KMT2C: variants seen among roughly 807,000 people sequenced by gnomAD.
KMT2C encodes histone-lysine N-methyltransferase 2C.
KMT2C carries 88 observed loss-of-function variants against 507.9 expected under a neutral mutation model. That is an observed-to-expected ratio of 0.17 (90% CI 0.15 to 0.21). KMT2C has a LOEUF of 0.21. Ranked by LOEUF, KMT2C falls within the 10% of genes least tolerant of loss-of-function variation. The pLI is 1.00. For missense variants in KMT2C, 4,954 were observed against 5,957.8 expected (o/e 0.83, Z 5.55); for synonymous variants, 2,049 against 2,080.8 (o/e 0.98, Z 0.42).
At chr7:152,182,832 A>ATT in intron 35 of KMT2C, 142 bp downstream of exon 35, 1 of 666,710 alleles carries the variant, frequency 1.5e-6, no homozygotes, top group Non-Finnish European at 2.4e-6. Flanking sequence ...ATTTAAATAT[A>ATT]TTTTACTGAA....
intron 1 of KMT2C, among the ~76,000 whole-genome samples, chr7:152,429,086 C>T (rs2097846091): frequency 6.6e-6 from 1 of 152,132 alleles, no homozygotes; most frequent in South Asian, 2.1e-4. Flanking sequence ...TCTTGTCATT[C>T]TACTTGGCTA....
chr7:152,356,961 C>T (rs1413761818), intron 2 of KMT2C, among the ~76,000 whole-genome samples: 3 of 151,000 alleles, frequency 2.0e-5, no homozygotes, highest in Admixed American at 6.6e-5. Flanking sequence ...GAGCCAGACA[C>T]GGTGGCTCAC....
At chr7:152,259,464 A>G (rs979971375) in intron 9 of KMT2C, among the ~76,000 whole-genome samples, 35 of 147,456 alleles carry the variant, frequency 2.4e-4, no homozygotes, top group East Asian at 2.1e-3. Context: ...ACACACACAC[A>G]CACACACACA....
chr7:152,155,870 G>T, intron 46 of KMT2C, 40 bp downstream of exon 46: 1 of 1,548,744 alleles, frequency 6.5e-7, no homozygotes, highest in East Asian at 2.3e-5. Flanking sequence ...TTTAAAAGAA[G>T]AAATAACTAA....
Position 152,222,528 on chromosome 7 carries a change from G to A in KMT2C, c.3433+45C>T. Reference sequence around the variant, plus strand: ...TGGTTATGGACAGTAAGGTGCAAGTGAGTGGTACAAGAGTGCAGACTCACA... The same window carrying A: ...TGGTTATGGACAGTAAGGTGCAAGTAAGTGGTACAAGAGTGCAGACTCACA... On this transcript the variant is annotated intron_variant, in intron 21 of 58. Coordinates refer to ENST00000262189, the MANE Select transcript of KMT2C (RefSeq NM_170606.3). 10 of 974,968 alleles carry A rather than the reference G, an allele frequency of 1.0e-5. No homozygotes were observed. The South Asian group carries it at 1.1e-4, about 11-fold the overall frequency. 60.4% of individuals were successfully genotyped at this position (974,968 alleles called of 1,614,324 possible).
chr7:152,165,748 G>T (rs1004638859), intron 42 of KMT2C, among the ~76,000 whole-genome samples: 3 of 152,128 alleles, frequency 2.0e-5, no homozygotes, highest in African/African-American at 7.2e-5. Flanking sequence ...GAGTGCAATG[G>T]TGCAATCTCA....
chr7:152,283,511 G>T (rs1454821464), intron 6 of KMT2C, among the ~76,000 whole-genome samples: 1 of 151,952 alleles, frequency 6.6e-6, no homozygotes, highest in Non-Finnish European at 1.5e-5. Flanking sequence ...ACTAACAGAA[G>T]AATACTCAGC....
intron 44 of KMT2C, 46 bp downstream of exon 44, chr7:152,158,817 T>C (rs2092269255): frequency 4.4e-6 from 7 of 1,579,034 alleles, no homozygotes; most frequent in African/African-American, 1.3e-5. Flanking sequence ...CCCCAGCCTA[T>C]ATCCTTGACT....
chr7:152,168,303 A>C (rs540115333), intron 41 of KMT2C, among the ~76,000 whole-genome samples: 25 of 152,352 alleles, frequency 1.6e-4, no homozygotes, highest in South Asian at 1.4e-3. Flanking sequence ...GAATCCAACC[A>C]AAGCCAATGG....
intron 6 of KMT2C, among the ~76,000 whole-genome samples, chr7:152,287,328 C>A (rs1407929252): frequency 6.6e-6 from 1 of 152,180 alleles, no homozygotes; most frequent in African/African-American, 2.4e-5. Flanking sequence ...ACCTTTTGAG[C>A]CAGGGTGGTA....
chr7:152,177,400 G>T lies in KMT2C; in HGVS notation c.8053C>A (p.Leu2685Ile), dbSNP rs975901741. ...LQITTQPSDG[L>I]EEKLDSDDPS... ...TCATCAGAATCAAGTTTTTCCTCTA[G>T]ACCATCAGAAGGCTGGGTGGTTATC... Residue 2685 changes from leucine (L) to isoleucine (I), a missense_variant, in exon 38 of 59, where the codon CTA (leucine) becomes ATA (isoleucine). Leu to Ile is a conservative substitution (Grantham distance 5, BLOSUM62 2). Coordinates refer to ENST00000262189, the MANE Select transcript of KMT2C (RefSeq NM_170606.3). 2 of 1,614,156 alleles carry T rather than the reference G, an allele frequency of 1.2e-6. No individual in the cohort carries two copies. Among genetic ancestry groups the T allele is most frequent in the South Asian group, 2.2e-5 (2 of 91,086 alleles).
intron 1 of KMT2C, among the ~76,000 whole-genome samples, chr7:152,396,814 T>C (rs1237706561): frequency 6.6e-6 from 1 of 152,202 alleles, no homozygotes; most frequent in Non-Finnish European, 1.5e-5. Context: ...AACACCTCAC[T>C]TTTGGAGGGC....
At chr7:152,312,533 C>A (rs527810038) in intron 4 of KMT2C, among the ~76,000 whole-genome samples, 1 of 152,216 alleles carries the variant, frequency 6.6e-6, no homozygotes, top group South Asian at 2.1e-4. Context: ...TGTGGCATGA[C>A]GTTGCAAGTA....
intron 43 of KMT2C, among the ~76,000 whole-genome samples, chr7:152,160,801 T>C (rs1013839488): frequency 1.3e-5 from 2 of 151,922 alleles, no homozygotes; most frequent in South Asian, 2.1e-4. Flanking sequence ...AATTTTAATA[T>C]AAACATGCTC....
intron 2 of KMT2C, among the ~76,000 whole-genome samples, chr7:152,335,409 TAAG>T (rs2096924793): frequency 6.6e-6 from 1 of 152,134 alleles, no homozygotes; most frequent in South Asian, 2.1e-4. Context: ...GTGACAAACT[TAAG>T]GAGGAATAAG....
intron 1 of KMT2C, among the ~76,000 whole-genome samples, chr7:152,413,885 C>CAAAAAAAAAAA (rs56006056): frequency 2.3e-4 from 25 of 108,114 alleles, no homozygotes; most frequent in African/African-American, 8.2e-4. Flanking sequence ...AACTCCGTCT[C>CAAAAAAAAAAA]AAAAAAAAAA....
chr7:152,151,558 TAGAATCCTTATATCC>T lies in KMT2C; in HGVS notation c.12535_12549del (p.Gly4179_Ser4183del). The T allele has an allele frequency of 7.4e-6, 12 of 1,614,062 alleles. No individual in the cohort carries two copies. The highest frequency in any genetic ancestry group is 1.0e-5 in the Non-Finnish European group (12 of 1,179,934). ...GCTGCGCTTTCTGCAATACCATGAC[TAGAATCCTTATATCC>T]AGAAAGACCTAAAGGCAATCAACTT... On this transcript the variant is annotated inframe_deletion, in exon 50 of 59. Transcript: ENST00000262189.
chr7:152,309,334 T>G (rs35432920), intron 6 of KMT2C, among the ~76,000 whole-genome samples: 1 of 142,454 alleles, frequency 7.0e-6, no homozygotes, highest in Non-Finnish European at 1.5e-5. Context: ...TTTTTTTTTT[T>G]GAGGCAGGGT....
At chr7:152,345,461 C>G (rs1013986047) in intron 2 of KMT2C, among the ~76,000 whole-genome samples, 1 of 152,114 alleles carries the variant, frequency 6.6e-6, no homozygotes, top group South Asian at 2.1e-4. Context: ...AGAAGAATCA[C>G]TTTGAGTAAC....
Sources: allele counts gnomAD v4.1 joint callset (sites outside exome capture counted in the v4.1 genomes callset), GRCh38; gene constraint gnomAD v4.1.1; transcripts MANE v1.5; gene names NCBI Gene and HGNC (gene_info 2026-07-23, HGNC 2026-07-21).